The following SPAG11B variants were observed in gnomAD, a reference collection of about 807,000 sequenced individuals.
SPAG11B encodes sperm associated antigen 11B, also known as sperm-associated antigen 11B.
Under a neutral mutation model 8.9 loss-of-function variants are expected in SPAG11B, and 5 were observed. The observed-to-expected ratio is 0.56, with a 90% CI of 0.29 to 1.19. SPAG11B has a LOEUF of 1.19. SPAG11B is among the 50% of genes most tolerant of loss of function. The pLI is 0.08. For synonymous variants in SPAG11B, 12 were observed against 53.0 expected (o/e 0.23, Z 3.36); for missense variants, 38 against 146.4 (o/e 0.26, Z 3.82).
At chr8:7,453,740 A>G (rs1810331030) in intron 2 of SPAG11B, among the ~76,000 whole-genome samples, 1 of 148,418 alleles carries the variant, frequency 6.7e-6, no homozygotes, top group Admixed American at 6.7e-5. Context: ...TCAAAGAGGC[A>G]GGGGCTGGGT....
rs1183788967 is a variant in SPAG11B, at chr8:7,453,618, C to G, written c.215-2718G>C. Among the ~76,000 whole-genome samples, 2 of 150,364 alleles carry G rather than the reference C, an allele frequency of 1.3e-5. 1 individual carries two copies. Among genetic ancestry groups the G allele is most frequent in the African/African-American group, 5.0e-5 (2 of 40,180 alleles). ...TCAAGCTGTCTTCTGCGTTATTTAA[C>G]CAGTCTACAACAACCATATCTCACC... On this transcript the variant is annotated intron_variant, in intron 2 of 2. Transcript: ENST00000398462.
At chr8:7,451,905 G>T (rs1291407567) in intron 2 of SPAG11B, among the ~76,000 whole-genome samples, 1 of 145,134 alleles carries the variant, frequency 6.9e-6, no homozygotes, top group African/African-American at 2.6e-5. Context: ...TCTGGACTTT[G>T]GTTTTCTTTT....
At chr8:7,453,501 C>T (rs1810311895) in intron 2 of SPAG11B, among the ~76,000 whole-genome samples, 1 of 146,954 alleles carries the variant, frequency 6.8e-6, no homozygotes, top group Admixed American at 6.8e-5. Flanking sequence ...TAAGCAATAG[C>T]AGACTCTAGA....
chr8:7,453,213 G>T (rs1339942781), intron 2 of SPAG11B, among the ~76,000 whole-genome samples: 2 of 143,486 alleles, frequency 1.4e-5, no homozygotes, highest in Non-Finnish European at 1.5e-5. Context: ...AACAGAATCT[G>T]CAAGGACACG....
At chr8:7,450,368 G>A (rs1266638742), downstream of SPAG11B, among the ~76,000 whole-genome samples, 1 of 146,946 alleles carries the variant, frequency 6.8e-6, no homozygotes, top group East Asian at 1.9e-4. Flanking sequence ...TGCTGGGTGT[G>A]GTAAGAAAGA....
At chr8:7,459,511 C>T (rs1381321028) in intron 2 of SPAG11B, among the ~76,000 whole-genome samples, 2 of 148,640 alleles carry the variant, frequency 1.3e-5, no homozygotes, top group African/African-American at 4.9e-5. Context: ...CATGTGAAAA[C>T]AGGTGGGAAG....
At chr8:7,459,578 T>C (rs1314262231) in intron 2 of SPAG11B, among the ~76,000 whole-genome samples, 4 of 148,420 alleles carry the variant, frequency 2.7e-5, no homozygotes, top group Non-Finnish European at 6.0e-5. Context: ...TTACAATTAA[T>C]TGGTAAGGAA....
intron 2 of SPAG11B, among the ~76,000 whole-genome samples, chr8:7,458,572 T>G (rs1810581336): frequency 1.8e-5 from 1 of 56,398 alleles, no homozygotes; most frequent in Non-Finnish European, 2.9e-5. Flanking sequence ...TTAGATCCCA[T>G]GAGAAAGTCA....
intron 2 of SPAG11B, among the ~76,000 whole-genome samples, chr8:7,451,652 A>T (rs1810176436): frequency 7.7e-6 from 1 of 129,146 alleles, no homozygotes; most frequent in Non-Finnish European, 1.6e-5. Context: ...AAAGTGAAGA[A>T]GGTGGGGGGT....
intron 2 of SPAG11B, among the ~76,000 whole-genome samples, chr8:7,459,474 T>C (rs1191053816): frequency 6.8e-6 from 1 of 147,612 alleles, no homozygotes; most frequent in African/African-American, 2.5e-5. Context: ...GAAAGACTAC[T>C]ACACATCAAG....
At chr8:7,458,936 C>T (rs1224102283) in intron 2 of SPAG11B, among the ~76,000 whole-genome samples, 5 of 91,978 alleles carry the variant, frequency 5.4e-5, no homozygotes, top group East Asian at 3.2e-4. Flanking sequence ...CGGTGGCTCA[C>T]GCCTGTAATT....
rs2853658 is a variant in SPAG11B, at chr8:7,451,184, C to T, written c.215-284G>A. On this transcript the variant is annotated intron_variant, in intron 2 of 2. Coordinates refer to ENST00000398462, the MANE Select transcript of SPAG11B (RefSeq NM_058201.4). ...CCTAAATGAGGGTCCTCGAGCCTCC[C>T]GGTGAGAGATGTGCACTAGAAGGAA... The T allele has an allele frequency of 2.0e-4, 304 of 1,557,410 alleles. 27 individuals carry two copies. In the African/African-American group the frequency reaches 2.7e-3, roughly 14 times the overall value.
intron 2 of SPAG11B, among the ~76,000 whole-genome samples, chr8:7,453,942 A>T (rs1419590924): frequency 1.3e-5 from 2 of 148,890 alleles, no homozygotes; most frequent in African/African-American, 5.1e-5. Flanking sequence ...AAGTTACCTT[A>T]AATGTTAGCT....
downstream of SPAG11B, among the ~76,000 whole-genome samples, chr8:7,450,258 C>T (rs1461305327): frequency 1.4e-5 from 2 of 144,054 alleles, no homozygotes; most frequent in African/African-American, 5.3e-5. Flanking sequence ...CAACACTATC[C>T]TACTGAAATG....
chr8:7,459,404 A>G (rs1348088775), intron 2 of SPAG11B, among the ~76,000 whole-genome samples: 1 of 143,020 alleles, frequency 7.0e-6, no homozygotes, highest in Non-Finnish European at 1.5e-5. Context: ...TTCCACGGAT[A>G]TACCAAAGAA....
In SPAG11B at chr8:7,450,886, C is replaced by T. The variant is rs1810096616; in HGVS notation, c.229G>A (p.Gly77Arg). 1.3e-6 allele frequency: 2 copies of T among 1,554,106 alleles called. 1 individual carries two copies. Among genetic ancestry groups the T allele is most frequent in the Non-Finnish European group, 1.8e-6 (2 of 1,140,956 alleles). Residue 77 changes from glycine to arginine, a missense_variant, in exon 3 of 3, where the codon GGA becomes AGA. Coordinates refer to ENST00000398462, the MANE Select transcript of SPAG11B (RefSeq NM_058201.4). The stretch of plus-strand genomic sequence containing the variant: ...ATATGGCAGATGGTATTTCTAATTC[C>T]CGGTGGAACATCCCCTATGGATACA... ...TPPYQGDVPP[G>R]IRNTICHMQQ...
At position 7,451,102 on chromosome 8, in the gene SPAG11B, G is replaced by T. The variant is rs1237694780; in HGVS notation, c.215-202C>A. The T allele has an allele frequency of 3.3e-6, 5 of 1,538,324 alleles. 1 individual carries two copies. Among genetic ancestry groups the T allele is most frequent in the Non-Finnish European group, 4.4e-6 (5 of 1,128,610 alleles). ...TGAAATGTTGCCAGGAGGATGATAG[G>T]GTGTGTTTTATGAATGCTCACCTGG... On this transcript the variant is annotated intron_variant, in intron 2 of 2. Coordinates refer to ENST00000398462, the MANE Select transcript of SPAG11B (RefSeq NM_058201.4).
intron 2 of SPAG11B, among the ~76,000 whole-genome samples, chr8:7,452,796 A>C (rs1810258674): frequency 1.1e-5 from 1 of 90,762 alleles, no homozygotes; most frequent in South Asian, 4.4e-4. Flanking sequence ...ATGTGCACGA[A>C]CGTTCATTGT....
At chr8:7,458,946 T>C (rs1810610866) in intron 2 of SPAG11B, among the ~76,000 whole-genome samples, 1 of 90,260 alleles carries the variant, frequency 1.1e-5, no homozygotes, top group African/African-American at 6.7e-5. Flanking sequence ...CGCCTGTAAT[T>C]CCAGCACTTC....
Sources: gnomAD v4.1 joint callset for allele counts (sites outside exome capture counted in the v4.1 genomes callset) on GRCh38, gnomAD v4.1.1 for gene constraint, MANE v1.5 for transcripts, NCBI Gene and HGNC (gene_info 2026-07-23, HGNC 2026-07-21) for gene names.